Variants in PHF19 observed in about 807,000 individuals in gnomAD.
PHF19 encodes the protein PHD finger protein 19.
PHF19 carries 21 observed loss-of-function variants against 79.8 expected under a neutral mutation model. The ratio of observed to expected loss-of-function variants is 0.26; its 90% CI spans 0.19 to 0.38. The LOEUF (loss-of-function observed/expected upper bound fraction) is 0.38, where lower values mean the gene tolerates loss of function less well. PHF19 is among the 10% of genes least tolerant of loss of function. PHF19 has a pLI of 1.00. For synonymous variants in PHF19, 273 were observed against 296.3 expected, an observed-to-expected ratio of 0.92 and a Z score of 0.81; for missense variants, 445 against 744.2, an observed-to-expected ratio of 0.60 and a Z score of 4.68.
upstream of PHF19, among the ~76,000 whole-genome samples, chr9:120,896,892 A>G (rs1481887717): frequency 6.6e-6 from 1 of 152,176 alleles, no homozygotes; most frequent in Non-Finnish European, 1.5e-5. Context: ...GATACTTTAT[A>G]AGGTATAACA....
chr9:120,897,916 T>C (rs2046415024), upstream of PHF19, among the ~76,000 whole-genome samples: 1 of 146,402 alleles, frequency 6.8e-6, no homozygotes, highest in South Asian at 2.1e-4. Context: ...AAGGCAGAGG[T>C]TGCAGTGAGC....
upstream of PHF19, among the ~76,000 whole-genome samples, chr9:120,881,894 C>T (rs775786716): frequency 3.3e-5 from 5 of 152,120 alleles, no homozygotes; most frequent in Non-Finnish European, 5.9e-5. Flanking sequence ...CCTGGGTAGC[C>T]GGGGTTCCAG....
upstream of PHF19, among the ~76,000 whole-genome samples, chr9:120,880,739 C>G (rs553237513): frequency 6.6e-6 from 1 of 152,054 alleles, no homozygotes; most frequent in African/African-American, 2.4e-5. Context: ...GTGGGAAGAT[C>G]GCTTGAGCCC....
At chr9:120,894,630 C>T (rs1341749107) in intron 1 of PHF19, among the ~76,000 whole-genome samples, 3 of 151,748 alleles carry the variant, frequency 2.0e-5, no homozygotes, top group Non-Finnish European at 2.9e-5. Flanking sequence ...GGGCGCGGGC[C>T]AGGAGCCGGC....
chr9:120,877,212 G>A, upstream of PHF19: 2 of 977,456 alleles, frequency 2.0e-6, no homozygotes, highest in Non-Finnish European at 2.4e-6. Context: ...GCCGGGGTCG[G>A]GGTCTCGGCG....
At position 120,869,575 on chromosome 9, in the gene PHF19, T is replaced by C. The variant is rs2045826564; in HGVS notation, c.466-245A>G. 3 of 1,462,180 alleles carry C rather than the reference T, an allele frequency of 2.1e-6. No homozygotes were observed. Among genetic ancestry groups the C allele is most frequent in the Non-Finnish European group, 2.7e-6 (3 of 1,109,814 alleles). 90.6% of individuals were successfully genotyped at this position (1,462,180 alleles called of 1,614,324 possible). A position where few individuals can be genotyped will look rare whatever the true frequency, so the allele number is the denominator to read the frequency against. On this transcript the variant is annotated intron_variant, in intron 5 of 14. Transcript: ENST00000373896. The surrounding 1 kb of genome is among the most constrained non-coding windows in gnomAD (Gnocchi z 5.8). ...AATAAAGGCAACAATTACCAACATG[T>C]ATTTACATGGATTTTCTTTTTTAAT...
In PHF19 at chr9:120,860,909, G is replaced by GCCGTATCATTAAAAA; in HGVS notation, c.1304+179_1304+180insTTTTTAATGATACGG. 1.7e-6 allele frequency: 1 copy of GCCGTATCATTAAAAA among 578,900 alleles called. No individual in the cohort carries two copies. Among genetic ancestry groups the GCCGTATCATTAAAAA allele is most frequent in the Non-Finnish European group, 3.1e-6 (1 of 317,558 alleles). 35.9% of individuals were successfully genotyped at this position (578,900 alleles called of 1,614,324 possible). ...CCATGGGGCAAGGTGGGGAGGGCTG[G>GCCGTATCATTAAAAA]AGAAGAGGGGAGGGCTGTGGTGCTC... is the stretch of plus-strand genomic sequence containing the variant. On this transcript the variant is annotated intron_variant, in intron 13 of 14. Coordinates refer to ENST00000373896, the MANE Select transcript of PHF19 (RefSeq NM_015651.3). The surrounding 1 kb of genome is among the most constrained non-coding windows in gnomAD (Gnocchi z 4.1).
Position 120,861,178 on chromosome 9 carries a change from T to C in PHF19, c.1219-4A>G, listed in dbSNP as rs1318417522. ...TCCAGGCTGAGGTGAAGTCACTCTG[T>C]GGACACAGGAAGGAGAGAGGAAGGG... On this transcript the variant is annotated splice_polypyrimidine_tract_variant and splice_region_variant and intron_variant, in intron 12 of 14. Coordinates refer to ENST00000373896, the MANE Select transcript of PHF19 (RefSeq NM_015651.3). The C allele has an allele frequency of 3.2e-6, 5 of 1,557,834 alleles. No homozygotes were observed. Among genetic ancestry groups the C allele is most frequent in the Non-Finnish European group, 4.4e-6 (5 of 1,128,844 alleles).
At chr9:120,889,891 T>C (rs546287020) in intron 1 of PHF19, among the ~76,000 whole-genome samples, 1 of 152,152 alleles carries the variant, frequency 6.6e-6, no homozygotes, top group East Asian at 1.9e-4. Context: ...GGACAGGCTC[T>C]AGGATCTGGA....
chr9:120,860,626 C>T lies in PHF19; in HGVS notation c.1305-441G>A. The T allele has an allele frequency of 4.4e-6, 1 of 224,850 alleles. No individual in the cohort carries two copies. The highest frequency in any genetic ancestry group is 9.0e-6 in the Non-Finnish European group (1 of 110,730). The allele number at this position is 224,850 out of a possible 1,614,324, so 13.9% of individuals were successfully genotyped here. On this transcript the variant is annotated intron_variant, in intron 13 of 14. Transcript: ENST00000373896. The surrounding 1 kb of genome is among the most constrained non-coding windows in gnomAD (Gnocchi z 4.1). ...CCTCCTCTGTGTCCTCAGGAAAATA[C>T]TAAATGACCTTTAATAATTTGGAAA...
Position 120,858,009 on chromosome 9 carries a change from G to A in PHF19, c.1678C>T (p.Arg560Trp). The A allele has an allele frequency of 6.2e-7, 1 of 1,613,956 alleles. No homozygotes were observed. The highest frequency in any genetic ancestry group is 8.5e-7 in the Non-Finnish European group (1 of 1,179,894). ...ACGEKYQVLA[R>W]RVTPEGKVQY... The stretch of plus-strand genomic sequence containing the variant: ...ACCTTGCCCTCAGGTGTGACCCTCC[G>A]AGCCAACACCTGGTACTTCTCCCCA... The change falls in exon 15 of 15, where the codon CGG (arginine) becomes TGG (tryptophan). Residue 560 changes from arginine (R) to tryptophan (W), a missense_variant. This residue lies in a region of PHF19 where 20 missense variants were observed against 47.6 expected (regional missense o/e 0.42). Coordinates refer to ENST00000373896, the MANE Select transcript of PHF19 (RefSeq NM_015651.3).
Position 120,864,082 on chromosome 9 carries a change from T to C in PHF19, c.935A>G (p.His312Arg). The change falls in exon 10 of 15, where the codon CAT becomes CGT. Residue 312 changes from histidine to arginine, a missense_variant. This residue lies in a region of PHF19 where 167 missense variants were observed against 375.8 expected (regional missense o/e 0.44). Transcript: ENST00000373896. ...TSTPVTDRGP[H>R]LLNALNSYKS... ...ATAACTGTTCAGAGCGTTGAGGAGA[T>C]GTGGTCCTCGATCTGTCACTGGGGT... 6.2e-7 allele frequency: 1 copy of C among 1,613,914 alleles called. No individual in the cohort carries two copies. The highest frequency in any genetic ancestry group is 8.5e-7 in the Non-Finnish European group (1 of 1,179,926).
rs569319208 is a variant in PHF19, at chr9:120,883,705, G to A, written c.43-8949C>T. ...AGCCTGGAGGCAGAGGTTGCAGTGAGCTGAGATCACACCGTGCACTCCAGC... is the reference window on the plus strand; with the variant it reads ...AGCCTGGAGGCAGAGGTTGCAGTGAACTGAGATCACACCGTGCACTCCAGC... On this transcript the variant is annotated intron_variant, in intron 1 of 14. Transcript: ENST00000616568. Among the ~76,000 whole-genome samples the A allele has an allele frequency of 6.2e-4, 93 of 149,210 alleles. No individual in the cohort carries two copies. The South Asian group carries it at 0.011, about 18-fold the overall frequency.
chr9:120,878,482 A>G (rs1160339180), upstream of PHF19, among the ~76,000 whole-genome samples: 1 of 151,966 alleles, frequency 6.6e-6, no homozygotes, highest in Non-Finnish European at 1.5e-5. Context: ...CCAGACAGGG[A>G]TATGTGCTTT....
intron 9 of PHF19, among the ~76,000 whole-genome samples, chr9:120,865,030 A>C (rs1374847282): frequency 6.6e-6 from 1 of 152,222 alleles, no homozygotes; most frequent in Non-Finnish European, 1.5e-5. Flanking sequence ...TTTTTTTAAA[A>C]AAATTATCAA....
chr9:120,865,856 A>T (rs1453082041), intron 8 of PHF19, 26 bp from the exon 9 acceptor site: 2 of 1,613,836 alleles, frequency 1.2e-6, no homozygotes, highest in Non-Finnish European at 1.7e-6. Flanking sequence ...AGGAGGTGGG[A>T]CCAGGTGAGG....
rs1215379610 is a variant in PHF19, at chr9:120,857,905, C to T, written c.*39G>A. 7.9e-7 allele frequency: 1 copy of T among 1,268,554 alleles called. No homozygotes were observed. The highest frequency in any genetic ancestry group is 2.1e-5 in the Admixed American group (1 of 47,582). The allele number at this position is 1,268,554 out of a possible 1,614,324, so 78.6% of individuals were successfully genotyped here. A position where few individuals can be genotyped will look rare whatever the true frequency, so the allele number is the denominator to read the frequency against. ...GGAGCCTATGGCTTCTGCTGCTCCT[C>T]CTTTGGTTTTCAGGACCCCTGGCAC... is the stretch of plus-strand genomic sequence containing the variant. On this transcript the variant is annotated 3_prime_UTR_variant, in exon 15 of 15. Transcript: ENST00000373896.
upstream of PHF19, among the ~76,000 whole-genome samples, chr9:120,881,054 A>G (rs982737933): frequency 6.6e-6 from 1 of 152,098 alleles, no homozygotes; most frequent in African/African-American, 2.4e-5. Flanking sequence ...GTATTGAAAC[A>G]TGCATGGGAA....
the PHF19 span, chr9:120,902,521 G>T: frequency 1.5e-4 from 22 of 143,298 alleles, no homozygotes; most frequent in East Asian, 3.3e-3. Flanking sequence ...TGGGGGGGGG[G>T]GCGGTGGGCA....
Sources: gnomAD v4.1 joint callset for allele counts (sites outside exome capture counted in the v4.1 genomes callset) on GRCh38, gnomAD v4.1.1 for gene constraint, gnomAD v4.1.1 regional missense constraint, Gnocchi (gnomAD v3.1) non-coding constraint, MANE v1.5 for transcripts, NCBI Gene and HGNC (gene_info 2026-07-23, HGNC 2026-07-21) for gene names.